The following THAP9 variants were observed in gnomAD, a reference collection of about 807,000 sequenced individuals.
THAP9 encodes the protein DNA transposase THAP9.
THAP9 carries 20 observed loss-of-function variants against 35.7 expected under a neutral mutation model. That is an observed-to-expected ratio of 0.56 (90% CI 0.39 to 0.81). The LOEUF is 0.81. Ranked by LOEUF, THAP9 falls within the 40% of genes least tolerant of loss-of-function variation. THAP9 has a pLI of 0.00. For missense variants in THAP9, 870 were observed against 1,047.4 expected (o/e 0.83, Z 2.34); for synonymous variants, 335 against 373.7 (o/e 0.90, Z 1.19).
At chr4:82,912,828 T>A (rs545714936) in intron 4 of THAP9, among the ~76,000 whole-genome samples, 2 of 152,324 alleles carry the variant, frequency 1.3e-5, no homozygotes, top group East Asian at 3.9e-4. Context: ...AAGATGTCCT[T>A]CGATTTGAGT....
At chr4:82,904,055 C>T (rs1232570950) in intron 1 of THAP9, among the ~76,000 whole-genome samples, 1 of 128,770 alleles carries the variant, frequency 7.8e-6, no homozygotes, top group African/African-American at 2.9e-5. Context: ...AATTAGGCTC[C>T]CCCTTTTTTT....
Position 82,917,131 on chromosome 4 carries a change from C to A in THAP9, c.919C>A (p.Leu307Ile). Residue 307 changes from leucine (L) to isoleucine (I), a missense_variant, in exon 5 of 5, where the codon CTT (leucine) becomes ATT (isoleucine). Leu to Ile is a conservative substitution (Grantham distance 5). Around this residue, in one of 3 missense-constraint regions of THAP9, gnomAD observed 440 missense variants for 501.2 expected, o/e 0.88. Transcript: ENST00000302236. ...TTTGCAGGGGTTTATGGACTTTGGT[C>A]TTGGAAAACTTGATGCTGATGAAAC... is the stretch of plus-strand genomic sequence containing the variant. Reference protein sequence around the residue: ...HSLQGFMDFGLGKLDADETPL... With the variant: ...HSLQGFMDFGIGKLDADETPL... 6.2e-7 allele frequency: 1 copy of A among 1,613,084 alleles called. No individual in the cohort carries two copies. The highest frequency in any genetic ancestry group is 1.1e-5 in the South Asian group (1 of 90,944).
chr4:82,911,754 A>G (rs540466126), intron 4 of THAP9, among the ~76,000 whole-genome samples: 1 of 152,308 alleles, frequency 6.6e-6, no homozygotes, highest in South Asian at 2.1e-4. Context: ...TGTTTTCTCA[A>G]AGTTATTAAC....
In THAP9 at chr4:82,917,490, T is replaced by C. The variant is rs1721077505; in HGVS notation, c.1278T>C (p.Phe426=). The change falls in exon 5 of 5, where the codon TTT becomes TTC. Residue 426 remains phenylalanine, a synonymous_variant. Transcript: ENST00000302236. Reference sequence around the variant, plus strand: ...TGCTAAGATTAATAAGAAATGCATTTCAGAATTTTCAAAGCATTCAGTTTA... The same window carrying C: ...TGCTAAGATTAATAAGAAATGCATTCCAGAATTTTCAAAGCATTCAGTTTA... ...CHLLRLIRNA[F]QNFQSIQFIN... 2 of 1,613,354 alleles carry C rather than the reference T, an allele frequency of 1.2e-6. No individual in the cohort carries two copies. Among genetic ancestry groups the C allele is most frequent in the Non-Finnish European group, 1.7e-6 (2 of 1,179,408 alleles).
chr4:82,900,900 C>T lies in THAP9; in HGVS notation c.80+18C>T. 6.2e-7 allele frequency: 1 copy of T among 1,612,592 alleles called. No homozygotes were observed. The highest frequency in any genetic ancestry group is 8.5e-7 in the Non-Finnish European group (1 of 1,179,614). On this transcript the variant is annotated intron_variant, in intron 1 of 4. Coordinates refer to ENST00000302236, the MANE Select transcript of THAP9 (RefSeq NM_024672.6). ...TTCCACCAGTGCGTATGGGAGCAGC[C>T]TCGAAGCCTTCGAACTCCCTGCGGG... is the stretch of plus-strand genomic sequence containing the variant.
intron 4 of THAP9, among the ~76,000 whole-genome samples, chr4:82,908,911 CTT>C (rs57014113): frequency 7.7e-5 from 11 of 143,732 alleles, no homozygotes; most frequent in South Asian, 2.2e-4. Context: ...TTACAGATTC[CTT>C]TTTTTTTTTG....
chr4:82,903,181 A>C (rs1304154894), intron 1 of THAP9, among the ~76,000 whole-genome samples: 1 of 152,224 alleles, frequency 6.6e-6, no homozygotes, highest in Non-Finnish European at 1.5e-5. Context: ...GAAGGGGCAG[A>C]AAGAGTAGTT....
At chr4:82,901,216 A>AGT in intron 1 of THAP9, 2 of 553,868 alleles carry the variant, frequency 3.6e-6, no homozygotes, top group Non-Finnish European at 3.4e-6. Flanking sequence ...CAACGGTTGA[A>AGT]GTGTGTGTGT....
rs1720726542 is a variant in THAP9, at chr4:82,908,071, T to C, written c.731+136T>C. 1.3e-5 allele frequency: 11 copies of C among 853,772 alleles called. No homozygotes were observed. The Middle Eastern group carries it at 1.1e-3, about 85-fold the overall frequency. The allele number at this position is 853,772 out of a possible 1,614,324, so 52.9% of individuals were successfully genotyped here. A position where few individuals can be genotyped will look rare whatever the true frequency, so the allele number is the denominator to read the frequency against. On this transcript the variant is annotated intron_variant, in intron 4 of 4. Transcript: ENST00000302236. ...TTTTACTTATTAAGGCTATTAGTAC[T>C]CATACTCCCATTTAAAAAAAGAAAA...
In THAP9 at chr4:82,917,710, C is replaced by T. The variant is rs373707809; in HGVS notation, c.1498C>T (p.Pro500Ser). 52 of 1,613,184 alleles carry T rather than the reference C, an allele frequency of 3.2e-5. No individual in the cohort carries two copies. The highest frequency in any genetic ancestry group is 4.1e-5 in the Non-Finnish European group (48 of 1,179,624). The change falls in exon 5 of 5, where the codon CCT becomes TCT. Residue 500 changes from proline (P) to serine (S), a missense_variant. Coordinates refer to ENST00000302236, the MANE Select transcript of THAP9 (RefSeq NM_024672.6). ...ATATTTGTTATCCTTAGACCTGCCACCTTTTCAAAACTGTATTGGTACCAT... is the reference window on the plus strand; with the variant it reads ...ATATTTGTTATCCTTAGACCTGCCATCTTTTCAAAACTGTATTGGTACCAT... ...LEYLLSLDLP[P>S]FQNCIGTIHF...
chr4:82,917,902 C>G lies in THAP9; in HGVS notation c.1690C>G (p.Gln564Glu), dbSNP rs1273016972. The G allele has an allele frequency of 6.2e-7, 1 of 1,613,668 alleles. No homozygotes were observed. The highest frequency in any genetic ancestry group is 2.2e-5 in the East Asian group (1 of 44,860). The change falls in exon 5 of 5, where the codon CAA becomes GAA. Residue 564 changes from glutamine to glutamate, a missense_variant. Physicochemically the swap from Gln to Glu is conservative, Grantham distance 29. Transcript: ENST00000302236. ...TACATTATCTGACACTAGCAATAAT[C>G]AAATAATTAAAGGTAAGCAAAAACT... is the stretch of plus-strand genomic sequence containing the variant. ...FVTLSDTSNN[Q>E]IIKGKQKLGF...
intron 1 of THAP9, among the ~76,000 whole-genome samples, chr4:82,901,800 G>C (rs987207470): frequency 1.3e-5 from 2 of 151,694 alleles, no homozygotes; most frequent in Non-Finnish European, 2.9e-5. Context: ...TTGTGTATGT[G>C]AGACCATAAT....
chr4:82,917,606 T>C lies in THAP9; in HGVS notation c.1394T>C (p.Leu465Pro), dbSNP rs948651117. 6.2e-7 allele frequency: 1 copy of C among 1,613,938 alleles called. No individual in the cohort carries two copies. Among genetic ancestry groups the C allele is most frequent in the African/African-American group, 1.3e-5 (1 of 74,908 alleles). The change falls in exon 5 of 5, where the codon CTT becomes CCT. Residue 465 changes from leucine (L) to proline (P), a missense_variant. Physicochemically the swap from Leu to Pro is moderately conservative, Grantham distance 98. This residue lies in a region of THAP9 where 16 missense variants were observed against 45.5 expected (regional missense o/e 0.35). Coordinates refer to ENST00000302236, the MANE Select transcript of THAP9 (RefSeq NM_024672.6). ...AATATGGAAAGAATACCAAGTACAC[T>C]TGCAAATTTGAAAAATCATGTACTG... ...LSNMERIPST[L>P]ANLKNHVLKV...
chr4:82,906,217 A>C, intron 2 of THAP9, 107 bp from the exon 3 acceptor site: 1 of 913,680 alleles, frequency 1.1e-6, no homozygotes, highest in Non-Finnish European at 1.6e-6. Flanking sequence ...TTTCCTAACT[A>C]ACTCTCCACA....
intron 1 of THAP9, chr4:82,903,548 T>G (rs1043914329): frequency 1.3e-4 from 20 of 152,448 alleles, no homozygotes; most frequent in African/African-American, 4.8e-4. Flanking sequence ...TAATTTGGCT[T>G]GGATTGAAAA....
chr4:82,907,958 T>C (rs1201310363), intron 4 of THAP9, 23 bp downstream of exon 4: 2 of 1,603,944 alleles, frequency 1.2e-6, no homozygotes, highest in Non-Finnish European at 1.7e-6. Flanking sequence ...TTTTTTTATT[T>C]TTTAAAAGTG....
Position 82,919,878 on chromosome 4 carries a change from A to G in THAP9, c.*954A>G, listed in dbSNP as rs1390384432. 6.6e-6 allele frequency: 1 copy of G among 152,224 alleles called. No homozygotes were observed. The highest frequency in any genetic ancestry group is 2.4e-5 in the African/African-American group (1 of 41,460). 9.4% of individuals were successfully genotyped at this position (152,224 alleles called of 1,614,324 possible). ...TTTTTGTCACTGAATAAGTGTTCCCAAAGTACAGTTAATCCTAATATGAAA... is the reference window on the plus strand; with the variant it reads ...TTTTTGTCACTGAATAAGTGTTCCCGAAGTACAGTTAATCCTAATATGAAA... On this transcript the variant is annotated 3_prime_UTR_variant, in exon 5 of 5. Transcript: ENST00000302236.
intron 4 of THAP9, among the ~76,000 whole-genome samples, chr4:82,911,058 A>G (rs1168358047): frequency 1.3e-5 from 2 of 152,114 alleles, no homozygotes; most frequent in Non-Finnish European, 2.9e-5. Context: ...GTTTGTTGAG[A>G]TGGCAGATGT....
intron 3 of THAP9, among the ~76,000 whole-genome samples, 200 bp downstream of exon 3, chr4:82,906,827 T>G (rs548543719): frequency 6.6e-6 from 1 of 152,272 alleles, no homozygotes; most frequent in South Asian, 2.1e-4. Flanking sequence ...TAACATTTAT[T>G]ATAGGAAAAG....
Sources: allele counts gnomAD v4.1 joint callset (sites outside exome capture counted in the v4.1 genomes callset), GRCh38; gene constraint gnomAD v4.1.1; regional missense constraint gnomAD v4.1.1; transcripts MANE v1.5; gene names NCBI Gene and HGNC (gene_info 2026-07-23, HGNC 2026-07-21).